FCHO2: variants seen among roughly 807,000 people sequenced by gnomAD.
FCHO2 encodes FCH and mu domain containing endocytic adaptor 2, also known as F-BAR domain only protein 2.
A neutral mutation model predicts 114.1 loss-of-function variants in FCHO2; 43 were observed. The ratio of observed to expected loss-of-function variants is 0.38; its 90% CI spans 0.30 to 0.49. The LOEUF (loss-of-function observed/expected upper bound fraction) is 0.49. Among genes scored for constraint, FCHO2 ranks in the 20% least tolerant of loss-of-function variants. The pLI is 0.97. For synonymous variants in FCHO2, 293 were observed against 315.2 expected, an observed-to-expected ratio of 0.93 and a Z score of 0.75; for missense variants, 807 against 950.4, an observed-to-expected ratio of 0.85 and a Z score of 1.98.
chr5:73,028,070 C>T (rs1489682443), intron 8 of FCHO2, among the ~76,000 whole-genome samples: 2 of 152,050 alleles, frequency 1.3e-5, no homozygotes, highest in African/African-American at 4.8e-5. Flanking sequence ...TGTTGTGCAC[C>T]TGTAGTCTTA....
chr5:72,968,390 A>C, intron 1 of FCHO2, 108 bp from the exon 2 acceptor site: 1 of 674,252 alleles, frequency 1.5e-6, no homozygotes, highest in Non-Finnish European at 2.3e-6. Flanking sequence ...ATTTATGAAA[A>C]CACCTCACCT....
intron 10 of FCHO2, chr5:73,037,891 C>G: frequency 6.5e-6 from 2 of 308,084 alleles, no homozygotes. Context: ...TCCCAAGTAG[C>G]TGGAATTACG....
At chr5:73,049,425 C>T (rs1350775449) in intron 11 of FCHO2, among the ~76,000 whole-genome samples, 1 of 151,960 alleles carries the variant, frequency 6.6e-6, no homozygotes, top group African/African-American at 2.4e-5. Flanking sequence ...TTTCCTAGTC[C>T]TTGAGGAACA....
chr5:72,994,657 G>A (rs942146226), intron 5 of FCHO2, among the ~76,000 whole-genome samples: 33 of 152,014 alleles, frequency 2.2e-4, no homozygotes, highest in Middle Eastern at 3.2e-3. Context: ...AATATAAATC[G>A]TTGTACCATA....
intron 8 of FCHO2, chr5:73,034,426 G>A (rs1756389934): frequency 2.6e-6 from 1 of 381,466 alleles, no homozygotes; most frequent in South Asian, 4.2e-5. Context: ...GTAAATTATT[G>A]TGATCATAAT....
chr5:73,080,946 A>G (rs1293221997), intron 22 of FCHO2, among the ~76,000 whole-genome samples: 4 of 152,040 alleles, frequency 2.6e-5, no homozygotes. Flanking sequence ...CCCCATCTCT[A>G]CAAAAAATGT....
At chr5:73,018,857 T>G (rs971359805) in intron 8 of FCHO2, among the ~76,000 whole-genome samples, 1 of 152,180 alleles carries the variant, frequency 6.6e-6, no homozygotes, top group African/African-American at 2.4e-5. Flanking sequence ...AGCAATCCCC[T>G]TCCTAAATAA....
intron 5 of FCHO2, chr5:72,997,596 A>G: frequency 7.3e-7 from 1 of 1,370,786 alleles, no homozygotes; most frequent in Non-Finnish European, 1.0e-6. Flanking sequence ...TTCACCGCTG[A>G]TGTTCGTTCC....
Position 73,017,301 on chromosome 5 carries a change from A to G in FCHO2, c.789A>G (p.Glu263=). ...KFAESKGTGK[E]RPGLIEFEEC... ...CTGAGTCAAAAGGCACTGGGAAGGAAAGACCTGGTAAGATGATAAACTCTG... is the reference window on the plus strand; with the variant it reads ...CTGAGTCAAAAGGCACTGGGAAGGAGAGACCTGGTAAGATGATAAACTCTG... Residue 263 remains glutamate, a synonymous_variant, in exon 8 of 26, where the codon GAA becomes GAG. Transcript: ENST00000430046. 6.5e-7 allele frequency: 1 copy of G among 1,545,556 alleles called. No individual in the cohort carries two copies.
intron 8 of FCHO2, chr5:73,021,226 C>G: frequency 2.8e-6 from 2 of 704,564 alleles, no homozygotes; most frequent in Non-Finnish European, 5.3e-6. Flanking sequence ...AACTGATCTT[C>G]TTTATCTCCT....
chr5:72,994,683 G>A (rs1393305182), intron 5 of FCHO2, among the ~76,000 whole-genome samples: 1 of 152,116 alleles, frequency 6.6e-6, no homozygotes, highest in African/African-American at 2.4e-5. Flanking sequence ...ACATGCATGT[G>A]AATATTAATT....
At chr5:72,967,005 G>T (rs954567577) in intron 1 of FCHO2, among the ~76,000 whole-genome samples, 1 of 152,184 alleles carries the variant, frequency 6.6e-6, no homozygotes, top group Non-Finnish European at 1.5e-5. Context: ...CATTAATTAG[G>T]CTGGGCATAG....
intron 17 of FCHO2, among the ~76,000 whole-genome samples, chr5:73,061,115 A>G (rs773269718): frequency 2.0e-5 from 3 of 151,840 alleles, no homozygotes; most frequent in Non-Finnish European, 2.9e-5. Context: ...GGGCAGTTTT[A>G]TCACTGGACA....
intron 8 of FCHO2, among the ~76,000 whole-genome samples, chr5:73,022,584 GATCTCAGTCTCTCTC>G (rs1404083942): frequency 6.6e-6 from 1 of 152,202 alleles, no homozygotes; most frequent in Non-Finnish European, 1.5e-5. Flanking sequence ...CCCCGGAGGA[GATCTCAGTCTCTCTC>G]ATCTCAGTGC....
At chr5:73,050,095 A>G (rs907231084) in intron 11 of FCHO2, among the ~76,000 whole-genome samples, 1 of 152,120 alleles carries the variant, frequency 6.6e-6, no homozygotes, top group Admixed American at 6.5e-5. Context: ...GATACATCAT[A>G]TATATCTTTA....
At chr5:73,045,181 C>T (rs893914023) in intron 11 of FCHO2, among the ~76,000 whole-genome samples, 4 of 152,164 alleles carry the variant, frequency 2.6e-5, no homozygotes, top group African/African-American at 9.7e-5. Context: ...GAAATATTGA[C>T]ACTAATTCAA....
intron 2 of FCHO2, among the ~76,000 whole-genome samples, chr5:72,988,873 A>G (rs1753678163): frequency 6.6e-6 from 1 of 152,220 alleles, no homozygotes; most frequent in Non-Finnish European, 1.5e-5. Flanking sequence ...CTGTTCAGAT[A>G]AGCATTGGTA....
chr5:73,058,815 C>A (rs567901320), intron 17 of FCHO2, among the ~76,000 whole-genome samples: 31 of 152,126 alleles, frequency 2.0e-4, no homozygotes, highest in African/African-American at 6.5e-4. Context: ...AATTCAAATA[C>A]AAAATATATA....
chr5:73,038,202 A>G (rs1756627145), intron 10 of FCHO2: 1 of 152,460 alleles, frequency 6.6e-6, no homozygotes. Flanking sequence ...ACTACCTGGG[A>G]AATTAAAATA....
Sources: allele counts gnomAD v4.1 joint callset (sites outside exome capture counted in the v4.1 genomes callset), GRCh38; gene constraint gnomAD v4.1.1; transcripts MANE v1.5; gene names NCBI Gene and HGNC (gene_info 2026-07-23, HGNC 2026-07-21).